Variants in LIPC observed in about 807,000 individuals in gnomAD.
LIPC encodes the protein lipase C, hepatic type, also known as hepatic triacylglycerol lipase.
Under a neutral mutation model 50.7 loss-of-function variants are expected in LIPC, and 44 were observed. The observed-to-expected ratio is 0.87, with a 90% CI of 0.68 to 1.11. The LOEUF (loss-of-function observed/expected upper bound fraction) is 1.11, where lower values mean the gene tolerates loss of function less well. Ranked by LOEUF, LIPC falls within the 50% of genes most tolerant of loss-of-function variation. The pLI, the probability that LIPC is intolerant of heterozygous loss-of-function variation, is 0.00. For synonymous variants in LIPC, 271 were observed against 256.4 expected (o/e 1.06, Z -0.54); for missense variants, 697 against 648.2 (o/e 1.08, Z -0.82).
chr15:58,524,176 C>A (rs1181575470), intron 1 of LIPC, among the ~76,000 whole-genome samples: 4 of 152,146 alleles, frequency 2.6e-5, no homozygotes, highest in Non-Finnish European at 5.9e-5. Flanking sequence ...CTTATGCCCC[C>A]ACCCTTCCAC....
At chr15:58,568,600 TA>T in intron 8 of LIPC, 115 bp from the exon 9 acceptor site, 5 of 698,576 alleles carry the variant, frequency 7.2e-6, no homozygotes, top group Admixed American at 2.4e-5. Context: ...GAATCTAACT[TA>T]AAAAAAGACA....
At chr15:58,454,202 A>G (rs1019130680) in intron 1 of LIPC, 1 of 152,212 alleles carries the variant, frequency 6.6e-6, no homozygotes, top group Admixed American at 6.5e-5. Context: ...GTGAACTTGG[A>G]GCAAATAACC....
At chr15:58,485,056 G>C (rs1224480324) in intron 1 of LIPC, among the ~76,000 whole-genome samples, 2 of 152,206 alleles carry the variant, frequency 1.3e-5, no homozygotes, top group South Asian at 2.1e-4. Flanking sequence ...TACAGGCCAA[G>C]GGTCATTCCG....
At chr15:58,485,452 C>T (rs1415908239) in intron 1 of LIPC, among the ~76,000 whole-genome samples, 2 of 152,142 alleles carry the variant, frequency 1.3e-5, no homozygotes, top group African/African-American at 2.4e-5. Context: ...GTGCAACAGC[C>T]ACATGCAATG....
intron 1 of LIPC, chr15:58,432,340 G>T: frequency 3.4e-6 from 2 of 587,460 alleles, no homozygotes; most frequent in Non-Finnish European, 6.1e-6. Context: ...TCTTCTAAGA[G>T]TGCCTGCAGC....
chr15:58,553,043 C>T (rs1196682692), intron 6 of LIPC, among the ~76,000 whole-genome samples: 2 of 152,116 alleles, frequency 1.3e-5, no homozygotes, highest in Admixed American at 6.5e-5. Flanking sequence ...ATTTTTACAG[C>T]GACACTACAA....
Position 58,531,706 on chromosome 15 carries a change from T to C in LIPC, c.89-6627T>C, listed in dbSNP as rs116089257. Among the ~76,000 whole-genome samples, 960 of 151,194 alleles carry C rather than the reference T, an allele frequency of 6.3e-3. 11 individuals carry two copies. Among genetic ancestry groups the C allele is most frequent in the African/African-American group, 0.022 (899 of 41,180 alleles). ...CCATCCCGTATCTCATTTTCTTATT[T>C]GACAAAAAAATAGTAAAGAGCAACT... On this transcript the variant is annotated intron_variant, in intron 1 of 8. Transcript: ENST00000299022.
intron 1 of LIPC, chr15:58,494,761 T>C (rs1891709139): frequency 2.2e-6 from 1 of 456,112 alleles, no homozygotes; most frequent in Admixed American, 2.3e-5. Context: ...TGATTTATAG[T>C]TAGCTTTTTA....
intron 1 of LIPC, among the ~76,000 whole-genome samples, chr15:58,459,095 AT>A (rs1251578624): frequency 6.6e-6 from 1 of 152,056 alleles, no homozygotes; most frequent in East Asian, 1.9e-4. Context: ...CATGCCTCCT[AT>A]TTTTTTAGGT....
At chr15:58,538,124 T>A (rs1595931244) in intron 1 of LIPC, among the ~76,000 whole-genome samples, 1 of 152,150 alleles carries the variant, frequency 6.6e-6, no homozygotes, top group African/African-American at 2.4e-5. Flanking sequence ...GAGGATCTGG[T>A]GATCTCAACC....
intron 6 of LIPC, among the ~76,000 whole-genome samples, chr15:58,559,808 G>C (rs1451812109): frequency 6.6e-6 from 1 of 152,144 alleles, no homozygotes; most frequent in South Asian, 2.1e-4. Flanking sequence ...GGAGAATATG[G>C]AGACAAGAGA....
chr15:58,469,405 C>T (rs1452231475), intron 1 of LIPC, among the ~76,000 whole-genome samples: 1 of 152,154 alleles, frequency 6.6e-6, no homozygotes, highest in Non-Finnish European at 1.5e-5. Context: ...AAAGGAAGAG[C>T]ACAAAGGAAG....
chr15:58,559,226 C>G (rs1034044743), intron 6 of LIPC, among the ~76,000 whole-genome samples: 3 of 152,156 alleles, frequency 2.0e-5, no homozygotes, highest in African/African-American at 7.2e-5. Flanking sequence ...TCTCCTATGA[C>G]AAAGCTTGAA....
At chr15:58,524,769 T>C (rs1264219055) in intron 1 of LIPC, among the ~76,000 whole-genome samples, 2 of 152,266 alleles carry the variant, frequency 1.3e-5, no homozygotes, top group African/African-American at 4.8e-5. Flanking sequence ...GTTGCTGTCC[T>C]TGGTCTCCTT....
chr15:58,439,823 G>C (rs541378540), intron 1 of LIPC, among the ~76,000 whole-genome samples: 1 of 152,138 alleles, frequency 6.6e-6, no homozygotes, highest in Non-Finnish European at 1.5e-5. Context: ...GGATATTTAC[G>C]TTTCTCAGCA....
chr15:58,461,289 T>A (rs1363249226), intron 1 of LIPC, among the ~76,000 whole-genome samples: 4 of 152,202 alleles, frequency 2.6e-5, no homozygotes. Context: ...GAATTATCAT[T>A]GCTCCCACTT....
chr15:58,460,778 C>T (rs1303447132), intron 1 of LIPC, among the ~76,000 whole-genome samples: 1 of 152,200 alleles, frequency 6.6e-6, no homozygotes, highest in Non-Finnish European at 1.5e-5. Context: ...TGTTAGAGAA[C>T]AGCCAGCGAG....
At chr15:58,544,391 CTTTCTT>C (rs1457433827) in intron 4 of LIPC, among the ~76,000 whole-genome samples, 12 of 110,272 alleles carry the variant, frequency 1.1e-4, no homozygotes, top group Non-Finnish European at 1.8e-4. Context: ...TTCTTTTTCT[CTTTCTT>C]TTTTTTTTTT....
chr15:58,476,305 A>G (rs1339454042), intron 1 of LIPC, among the ~76,000 whole-genome samples: 1 of 152,256 alleles, frequency 6.6e-6, no homozygotes, highest in Admixed American at 6.5e-5. Flanking sequence ...GCCTGATGAA[A>G]TATCCAGGGG....
Sources: gnomAD v4.1 joint callset for allele counts (sites outside exome capture counted in the v4.1 genomes callset) on GRCh38, gnomAD v4.1.1 for gene constraint, MANE v1.5 for transcripts, NCBI Gene and HGNC (gene_info 2026-07-23, HGNC 2026-07-21) for gene names.